Variants in CHLSN observed in about 807,000 individuals in gnomAD.
CHLSN encodes the protein cholesin.
chr7:1,084,317 G>A, the CHLSN span, among the ~76,000 whole-genome samples: 1 of 152,238 alleles, frequency 6.6e-6, no homozygotes, highest in Non-Finnish European at 1.5e-5. Context: ...CGTGGGAAGG[G>A]GCTCTCGGCC....
chr7:1,016,261 A>G, the CHLSN span, among the ~76,000 whole-genome samples: 6 of 54,548 alleles, frequency 1.1e-4, no homozygotes, highest in African/African-American at 3.1e-4. Flanking sequence ...GCACGCCAGC[A>G]CACAGCAGCG....
At chr7:1,047,281 G>T in the CHLSN span, among the ~76,000 whole-genome samples, 2 of 152,182 alleles carry the variant, frequency 1.3e-5, no homozygotes, top group African/African-American at 2.4e-5. Flanking sequence ...AAACATGCTC[G>T]CTATTATCCA....
At chr7:987,065 G>T in the CHLSN span, 10 of 1,460,574 alleles carry the variant, frequency 6.8e-6, no homozygotes, top group South Asian at 1.1e-4. Context: ...GTGGGGGACA[G>T]ACCCCAGATC....
At chr7:1,053,644 A>G in the CHLSN span, among the ~76,000 whole-genome samples, 1 of 152,164 alleles carries the variant, frequency 6.6e-6, no homozygotes. Context: ...CCTGGCCAAC[A>G]TGGAGAAACC....
chr7:1,018,329 G>T, the CHLSN span, among the ~76,000 whole-genome samples: 1 of 152,236 alleles, frequency 6.6e-6, no homozygotes, highest in African/African-American at 2.4e-5. Flanking sequence ...TCACTCCACA[G>T]CTTTGAAACC....
chr7:1,079,476 G>A, the CHLSN span, among the ~76,000 whole-genome samples: 317 of 152,338 alleles, frequency 2.1e-3, 1 homozygote, highest in South Asian at 0.011. Flanking sequence ...AACTGTCTAC[G>A]CTGGGGAGAC....
At chr7:1,095,726 C>G in the CHLSN span, among the ~76,000 whole-genome samples, 6 of 152,236 alleles carry the variant, frequency 3.9e-5, no homozygotes, top group African/African-American at 1.4e-4. Flanking sequence ...AGTCACTGCT[C>G]GAAGCCTTAA....
At chr7:1,127,837 ACAATCT>A in the CHLSN span, among the ~76,000 whole-genome samples, 1 of 48,206 alleles carries the variant, frequency 2.1e-5, no homozygotes, top group East Asian at 4.2e-4. Flanking sequence ...GTGCAGTGGC[ACAATCT>A]CGGCTCATCC....
the CHLSN span, among the ~76,000 whole-genome samples, chr7:1,101,909 G>A: frequency 3.7e-4 from 57 of 152,352 alleles, no homozygotes; most frequent in Middle Eastern, 6.8e-3. Context: ...CTGGGCCACC[G>A]TCACCCTGCT....
chr7:1,060,761 C>T, the CHLSN span, among the ~76,000 whole-genome samples: 2 of 152,198 alleles, frequency 1.3e-5, no homozygotes, highest in African/African-American at 4.8e-5. Flanking sequence ...CCTTTAAAGC[C>T]GCAGGCCTGA....
At chr7:1,091,998 G>A in the CHLSN span, 1 of 1,614,136 alleles carries the variant, frequency 6.2e-7, no homozygotes, top group Non-Finnish European at 8.5e-7. Flanking sequence ...TCCGCGAGAA[G>A]ATGACCATCC....
chr7:1,024,487 G>C, the CHLSN span: 1 of 152,258 alleles, frequency 6.6e-6, no homozygotes, highest in African/African-American at 2.4e-5. Flanking sequence ...GGTGCCTTTG[G>C]TGGCCAGTGC....
the CHLSN span, among the ~76,000 whole-genome samples, chr7:1,081,319 C>G: frequency 6.6e-6 from 1 of 152,218 alleles, no homozygotes; most frequent in East Asian, 1.9e-4. Context: ...CTGTGAGGAC[C>G]CCCTCTCCTA....
the CHLSN span, among the ~76,000 whole-genome samples, chr7:1,084,804 G>A: frequency 4.5e-3 from 687 of 152,372 alleles, 4 homozygotes; most frequent in Non-Finnish European, 7.6e-3. Flanking sequence ...GGCTGGAGCC[G>A]GCAACGCTGA....
the CHLSN span, among the ~76,000 whole-genome samples, chr7:1,001,837 G>GA: frequency 3.3e-5 from 4 of 122,662 alleles, no homozygotes; most frequent in Non-Finnish European, 3.5e-5. Flanking sequence ...CCCTGTGGGT[G>GA]GGGAGTCCTG....
chr7:1,066,421 G>A, the CHLSN span, among the ~76,000 whole-genome samples: 1 of 152,270 alleles, frequency 6.6e-6, no homozygotes, highest in East Asian at 1.9e-4. Context: ...GGACAGGGGA[G>A]CGGAGGATAC....
At chr7:1,035,611 T>C in the CHLSN span, among the ~76,000 whole-genome samples, 1 of 152,184 alleles carries the variant, frequency 6.6e-6, no homozygotes, top group African/African-American at 2.4e-5. Context: ...CCTGTCACGA[T>C]AGCCCAAATC....
the CHLSN span, among the ~76,000 whole-genome samples, chr7:1,062,746 C>T: frequency 1.5e-3 from 224 of 152,342 alleles, 1 homozygote; most frequent in African/African-American, 5.3e-3. Flanking sequence ...CTCCGCCCTG[C>T]TGCACAGGGC....
chr7:1,060,925 G>T, the CHLSN span, among the ~76,000 whole-genome samples: 535 of 152,202 alleles, frequency 3.5e-3, 5 homozygotes, highest in African/African-American at 0.012. Flanking sequence ...GGCTGGCGCC[G>T]TCAGCCCAAC....
Sources: allele counts gnomAD v4.1 joint callset (sites outside exome capture counted in the v4.1 genomes callset), GRCh38; gene constraint gnomAD v4.1.1; transcripts MANE v1.5; gene names NCBI Gene and HGNC (gene_info 2026-07-23, HGNC 2026-07-21).